Variants in SERINC3 observed in about 807,000 individuals in gnomAD.
The protein encoded by SERINC3 is serine incorporator 3.
SERINC3 carries 22 observed loss-of-function variants against 52.1 expected under a neutral mutation model. That is an observed-to-expected ratio of 0.42 (90% CI 0.30 to 0.60). The LOEUF (loss-of-function observed/expected upper bound fraction) is 0.60. Among genes scored for constraint, SERINC3 ranks in the 20% least tolerant of loss-of-function variants. The pLI, the probability that SERINC3 is intolerant of heterozygous loss-of-function variation, is 0.16. For synonymous variants in SERINC3, 226 were observed against 212.7 expected (o/e 1.06, Z -0.54); for missense variants, 564 against 584.6 (o/e 0.96, Z 0.36).
At chr20:44,503,699 T>C (rs1013088843) in intron 8 of SERINC3, 116 bp downstream of exon 8, 5 of 793,742 alleles carry the variant, frequency 6.3e-6, no homozygotes, top group Non-Finnish European at 9.8e-6. Flanking sequence ...AAAGAACTTT[T>C]CATTAAAGAG....
In SERINC3 at chr20:44,505,322, GTTTT is replaced by G. The variant is rs541435886; in HGVS notation, c.784-435_784-432del. Among the ~76,000 whole-genome samples the G allele has an allele frequency of 4.6e-5, 7 of 151,000 alleles. No homozygotes were observed. The South Asian group carries it at 8.4e-4, about 18-fold the overall frequency. On this transcript the variant is annotated intron_variant, in intron 6 of 9. Coordinates refer to ENST00000342374, the MANE Select transcript of SERINC3 (RefSeq NM_006811.4). ...ATAACTCCATGAATTTTTTTAAACG[GTTTT>G]TTTTTCTTTTTTTTCTGAGACGGAG... is the stretch of plus-strand genomic sequence containing the variant.
intron 1 of SERINC3, among the ~76,000 whole-genome samples, chr20:44,517,053 A>T (rs2064385024): frequency 1.3e-5 from 2 of 152,192 alleles, no homozygotes; most frequent in South Asian, 4.1e-4. Context: ...GCACTTTATG[A>T]TAATTTTGTG....
At chr20:44,520,725 C>T (rs901672406) in intron 1 of SERINC3, among the ~76,000 whole-genome samples, 1 of 152,150 alleles carries the variant, frequency 6.6e-6, no homozygotes, top group African/African-American at 2.4e-5. Flanking sequence ...ACCCATGTAA[C>T]AAAACTGCAT....
At chr20:44,505,331 T>C (rs1181988278) in intron 6 of SERINC3, among the ~76,000 whole-genome samples, 2 of 152,196 alleles carry the variant, frequency 1.3e-5, no homozygotes, top group Admixed American at 1.3e-4. Flanking sequence ...GGTTTTTTTT[T>C]CTTTTTTTTC....
At chr20:44,501,044 C>G in intron 9 of SERINC3, 29 bp downstream of exon 9, 1 of 1,539,144 alleles carries the variant, frequency 6.5e-7, no homozygotes, top group African/African-American at 1.4e-5. Context: ...GTTTTATGGT[C>G]TTCTGTCTGT....
downstream of SERINC3, chr20:44,496,345 G>C (rs901816394): frequency 2.6e-5 from 4 of 152,358 alleles, no homozygotes; most frequent in Non-Finnish European, 5.9e-5. Context: ...GGACATCACT[G>C]AGTTGGGTGC....
intron 5 of SERINC3, 54 bp downstream of exon 5, chr20:44,509,837 T>C: frequency 6.3e-7 from 1 of 1,577,506 alleles, no homozygotes; most frequent in Non-Finnish European, 8.7e-7. Context: ...ATTTTTATTG[T>C]ACACCGTGCT....
intron 1 of SERINC3, among the ~76,000 whole-genome samples, chr20:44,519,658 T>A (rs1195187363): frequency 6.6e-6 from 1 of 152,088 alleles, no homozygotes; most frequent in East Asian, 1.9e-4. Flanking sequence ...AAGCCAGGCA[T>A]GGTGTCACAC....
At position 44,504,857 on chromosome 20, in the gene SERINC3, G is replaced by C. The variant is rs149223322; in HGVS notation, c.818C>G (p.Ser273Cys). 109 of 1,613,384 alleles carry C rather than the reference G, an allele frequency of 6.8e-5. No individual in the cohort carries two copies. The highest frequency in any genetic ancestry group is 8.4e-5 in the Non-Finnish European group (99 of 1,179,546). The change falls in exon 7 of 10, where the codon TCC becomes TGC. Residue 273 changes from serine (S) to cysteine (C), a missense_variant. Coordinates refer to ENST00000342374, the MANE Select transcript of SERINC3 (RefSeq NM_006811.4). ...HQPRSGLLQS[S>C]LITLYTMYLT... ...GTACATAGTGTAGAGGGTGATGAGGGAGGACTGCAAGAGGCCGGAGCGAGG... is the reference window on the plus strand; with the variant it reads ...GTACATAGTGTAGAGGGTGATGAGGCAGGACTGCAAGAGGCCGGAGCGAGG...
intron 6 of SERINC3, 74 bp from the exon 7 acceptor site, chr20:44,504,965 T>G: frequency 9.2e-7 from 1 of 1,088,494 alleles, no homozygotes; most frequent in Non-Finnish European, 1.4e-6. Flanking sequence ...TGCACTTCTC[T>G]GGAGTTAATT....
At chr20:44,502,197 C>T (rs539855769) in intron 8 of SERINC3, among the ~76,000 whole-genome samples, 1 of 152,334 alleles carries the variant, frequency 6.6e-6, no homozygotes, top group Admixed American at 6.5e-5. Flanking sequence ...TAGATGACTT[C>T]ATCTTGTTTA....
At chr20:44,513,116 A>G in intron 2 of SERINC3, 122 bp from the exon 3 acceptor site, 2 of 546,022 alleles carry the variant, frequency 3.7e-6, no homozygotes, top group Non-Finnish European at 6.2e-6. Flanking sequence ...CTGACTATGG[A>G]ATTTTTCTCT....
chr20:44,506,584 C>CAAAAAAAAAAAAAAA (rs1191331026), intron 6 of SERINC3, among the ~76,000 whole-genome samples: 16 of 14,262 alleles, frequency 1.1e-3, no homozygotes, highest in African/African-American at 3.3e-3. Context: ...GACTCCATCT[C>CAAAAAAAAAAAAAAA]AAAAAAAAAA....
chr20:44,505,308 A>C (rs1355254390), intron 6 of SERINC3, among the ~76,000 whole-genome samples: 6 of 152,056 alleles, frequency 3.9e-5, no homozygotes. Flanking sequence ...TAACTCCATG[A>C]ATTTTTTTAA....
chr20:44,508,798 C>G (rs1224561763), intron 5 of SERINC3, among the ~76,000 whole-genome samples: 1 of 152,136 alleles, frequency 6.6e-6, no homozygotes, highest in African/African-American at 2.4e-5. Flanking sequence ...AATACAAAAG[C>G]AAGGTGAATG....
intron 5 of SERINC3, among the ~76,000 whole-genome samples, chr20:44,507,789 A>G (rs2064323901): frequency 6.6e-6 from 1 of 152,218 alleles, no homozygotes; most frequent in South Asian, 2.1e-4. Context: ...GGATTGCTTG[A>G]GCCCAAGACA....
intron 8 of SERINC3, among the ~76,000 whole-genome samples, chr20:44,502,038 G>C (rs2064283148): frequency 6.6e-6 from 1 of 152,102 alleles, no homozygotes; most frequent in Non-Finnish European, 1.5e-5. Flanking sequence ...AACAGTGAAA[G>C]ACTAAAAACT....
intron 1 of SERINC3, among the ~76,000 whole-genome samples, chr20:44,519,619 A>G (rs2064403070): frequency 6.6e-6 from 1 of 152,160 alleles, no homozygotes; most frequent in Non-Finnish European, 1.5e-5. Flanking sequence ...ACCTTAAAAT[A>G]CATTCTGTTC....
intron 4 of SERINC3, among the ~76,000 whole-genome samples, chr20:44,510,632 T>C (rs1483692633): frequency 4.0e-5 from 6 of 151,894 alleles, no homozygotes; most frequent in Non-Finnish European, 5.9e-5. Flanking sequence ...GCCAAGATGG[T>C]GAAACCCCGT....
Sources: allele counts gnomAD v4.1 joint callset (sites outside exome capture counted in the v4.1 genomes callset), GRCh38; gene constraint gnomAD v4.1.1; transcripts MANE v1.5; gene names NCBI Gene and HGNC (gene_info 2026-07-23, HGNC 2026-07-21).